Variants in SLC24A2 observed in about 807,000 individuals in gnomAD.
SLC24A2 encodes sodium/potassium/calcium exchanger 2.
Under a neutral mutation model 62.0 loss-of-function variants are expected in SLC24A2, and 36 were observed. That is an observed-to-expected ratio of 0.58 (90% CI 0.44 to 0.77). SLC24A2 has a LOEUF of 0.77. Ranked by LOEUF, SLC24A2 falls within the 30% of genes least tolerant of loss-of-function variation. The pLI is 0.00. For synonymous variants in SLC24A2, 358 were observed against 294.0 expected, an observed-to-expected ratio of 1.22 and a Z score of -2.23; for missense variants, 846 against 817.9, an observed-to-expected ratio of 1.03 and a Z score of -0.42.
At chr9:20,242,772 A>T in the SLC24A2 span, among the ~76,000 whole-genome samples, 1 of 152,216 alleles carries the variant, frequency 6.6e-6, no homozygotes, top group Non-Finnish European at 1.5e-5. Flanking sequence ...TTGCTCCATT[A>T]ATGGCTTTGT....
At chr9:20,214,128 A>T in the SLC24A2 span, among the ~76,000 whole-genome samples, 90 of 152,310 alleles carry the variant, frequency 5.9e-4, 1 homozygote, top group African/African-American at 1.9e-3. Context: ...AGGTGTTTCC[A>T]CACCTTGACT....
At chr9:19,888,974 A>C in the SLC24A2 span, among the ~76,000 whole-genome samples, 1 of 152,160 alleles carries the variant, frequency 6.6e-6, no homozygotes, top group Non-Finnish European at 1.5e-5. Context: ...CTCCTGGAGA[A>C]TCTGGTGGAG....
intron 8 of SLC24A2, among the ~76,000 whole-genome samples, chr9:19,546,442 G>A (rs1586933070): frequency 6.6e-6 from 1 of 152,044 alleles, no homozygotes; most frequent in African/African-American, 2.4e-5. Flanking sequence ...GAGCTGCAGT[G>A]GGCTCCACCC....
chr9:19,833,217 C>G, the SLC24A2 span, among the ~76,000 whole-genome samples: 1 of 152,106 alleles, frequency 6.6e-6, no homozygotes, highest in African/African-American at 2.4e-5. Context: ...TGGGGAGTGC[C>G]AGACACTGGG....
rs752916654 is a variant in SLC24A2 at position 19,562,170 on chromosome 9, G to T, written c.1347+11181C>A. Reference sequence around the variant, plus strand: ...TAAATTGGTTTTTGTTGTTTTCATGGGCTTTGTAAATCTTGCTGATAAAAT... The same window carrying T: ...TAAATTGGTTTTTGTTGTTTTCATGTGCTTTGTAAATCTTGCTGATAAAAT... On this transcript the variant is annotated intron_variant, in intron 7 of 10. Coordinates refer to ENST00000341998, the MANE Select transcript of SLC24A2 (RefSeq NM_020344.4). Among the ~76,000 whole-genome samples the T allele has an allele frequency of 2.2e-4, 33 of 151,936 alleles. 1 individual carries two copies. The highest frequency in any genetic ancestry group is 1.4e-3 in the Admixed American group (21 of 15,258).
At chr9:19,785,855 A>C in intron 2 of SLC24A2, 82 bp downstream of exon 2, 1 of 1,581,942 alleles carries the variant, frequency 6.3e-7, no homozygotes, top group South Asian at 1.1e-5. Context: ...CCATCACATC[A>C]AAAGAACTGC....
At chr9:19,617,174 C>A (rs993388705) in intron 4 of SLC24A2, among the ~76,000 whole-genome samples, 1 of 152,100 alleles carries the variant, frequency 6.6e-6, no homozygotes, top group Admixed American at 6.6e-5. Flanking sequence ...GCATTAAATT[C>A]GAATAAGGAG....
the SLC24A2 span, chr9:19,958,257 A>C: frequency 6.6e-6 from 1 of 152,150 alleles, no homozygotes; most frequent in Non-Finnish European, 1.5e-5. Context: ...GCCACTGAAA[A>C]ACTAGGATCC....
chr9:19,843,129 G>GT, the SLC24A2 span, among the ~76,000 whole-genome samples: 129 of 151,960 alleles, frequency 8.5e-4, no homozygotes, highest in African/African-American at 2.8e-3. Flanking sequence ...ATGCAGCCAG[G>GT]TTTTTTTTAA....
chr9:20,210,239 A>G, the SLC24A2 span, among the ~76,000 whole-genome samples: 1 of 152,202 alleles, frequency 6.6e-6, no homozygotes, highest in Non-Finnish European at 1.5e-5. Flanking sequence ...ACCTGGCAGG[A>G]TGGCAGAGAA....
intron 2 of SLC24A2, among the ~76,000 whole-genome samples, chr9:19,676,697 T>C (rs1587137309): frequency 6.6e-6 from 1 of 152,168 alleles, no homozygotes; most frequent in East Asian, 1.9e-4. Flanking sequence ...TATCTGGCAA[T>C]CCCATTCCAG....
the SLC24A2 span, among the ~76,000 whole-genome samples, chr9:20,212,272 G>T: frequency 2.2e-4 from 33 of 151,680 alleles, no homozygotes; most frequent in African/African-American, 7.8e-4. Context: ...TGTGAGTTAA[G>T]AAATTTTATA....
chr9:20,237,706 T>C, the SLC24A2 span, among the ~76,000 whole-genome samples: 1 of 152,222 alleles, frequency 6.6e-6, no homozygotes, highest in Non-Finnish European at 1.5e-5. Context: ...TGATTCTTAG[T>C]AAGACTTGAT....
chr9:19,884,258 A>G, the SLC24A2 span, among the ~76,000 whole-genome samples: 3 of 126,590 alleles, frequency 2.4e-5, no homozygotes, highest in East Asian at 1.6e-3. Context: ...TAAGAAATTC[A>G]GTGTTTATGA....
chr9:20,082,614 G>A, the SLC24A2 span, among the ~76,000 whole-genome samples: 1 of 152,202 alleles, frequency 6.6e-6, no homozygotes, highest in Admixed American at 6.5e-5. Flanking sequence ...TCAGCAGCGT[G>A]AGATGTAAAT....
chr9:20,084,255 T>A, the SLC24A2 span, among the ~76,000 whole-genome samples: 1 of 152,188 alleles, frequency 6.6e-6, no homozygotes, highest in Non-Finnish European at 1.5e-5. Context: ...TAAAACAAAT[T>A]TTCAAGTAGC....
At chr9:20,206,656 AT>A in the SLC24A2 span, among the ~76,000 whole-genome samples, 2 of 151,794 alleles carry the variant, frequency 1.3e-5, no homozygotes, top group Non-Finnish European at 2.9e-5. Context: ...TAATTTTTGT[AT>A]TTTTAGTAGA....
At chr9:19,962,244 C>T in the SLC24A2 span, among the ~76,000 whole-genome samples, 14 of 152,274 alleles carry the variant, frequency 9.2e-5, no homozygotes, top group Non-Finnish European at 1.6e-4. Context: ...TGTAGCAGTA[C>T]CATGCTGTTT....
chr9:20,244,638 C>T, the SLC24A2 span, among the ~76,000 whole-genome samples: 1 of 152,186 alleles, frequency 6.6e-6, no homozygotes, highest in Non-Finnish European at 1.5e-5. Flanking sequence ...ATGTGCTTTT[C>T]CCTTAGGTTC....
Sources: gnomAD v4.1 joint callset for allele counts (sites outside exome capture counted in the v4.1 genomes callset) on GRCh38, gnomAD v4.1.1 for gene constraint, MANE v1.5 for transcripts, NCBI Gene and HGNC (gene_info 2026-07-23, HGNC 2026-07-21) for gene names.